The following DOK6 variants were observed in gnomAD, a reference collection of about 807,000 sequenced individuals.
DOK6 encodes the protein downstream of tyrosine kinase 6.
A neutral mutation model predicts 44.0 loss-of-function variants in DOK6; 22 were observed. The observed-to-expected ratio is 0.50, with a 90% CI of 0.36 to 0.71. The LOEUF is 0.71. DOK6 is among the 30% of genes least tolerant of loss of function. The pLI is 0.00. For missense variants in DOK6, 340 were observed against 416.4 expected (o/e 0.82, Z 1.60); for synonymous variants, 166 against 145.5 (o/e 1.14, Z -1.01).
At chr18:69,468,876 T>TA (rs1980004581) in intron 1 of DOK6, among the ~76,000 whole-genome samples, 1 of 152,216 alleles carries the variant, frequency 6.6e-6, no homozygotes, top group South Asian at 2.1e-4. Flanking sequence ...AAGCTCTGGA[T>TA]AAAAATGGAG....
intron 5 of DOK6, among the ~76,000 whole-genome samples, chr18:69,733,906 T>C (rs1265116203): frequency 1.3e-5 from 2 of 152,168 alleles, no homozygotes; most frequent in Admixed American, 1.3e-4. Context: ...ATTAGTGTTT[T>C]GAGTTTCAAT....
chr18:69,665,942 A>T (rs1416491249), intron 3 of DOK6, among the ~76,000 whole-genome samples: 1 of 152,116 alleles, frequency 6.6e-6, no homozygotes, highest in Non-Finnish European at 1.5e-5. Flanking sequence ...TTAAGCAAGC[A>T]TATTGGGCTT....
At chr18:69,523,649 A>C (rs1482313387) in intron 1 of DOK6, among the ~76,000 whole-genome samples, 1 of 144,344 alleles carries the variant, frequency 6.9e-6, no homozygotes, top group Non-Finnish European at 1.6e-5. Flanking sequence ...ATCTCCCACC[A>C]AAGAAACAAT....
intron 7 of DOK6, among the ~76,000 whole-genome samples, chr18:69,768,954 C>CGTGCGTGTGTGTGTGTGT (rs74175387): frequency 1.4e-5 from 2 of 142,590 alleles, no homozygotes; most frequent in Non-Finnish European, 1.5e-5. Flanking sequence ...GAAGGGTGTG[C>CGTGCGTGTGTGTGTGTGT]GTGTGTGTGT....
At chr18:69,403,591 T>C (rs554473617) in intron 1 of DOK6, among the ~76,000 whole-genome samples, 16 of 152,360 alleles carry the variant, frequency 1.1e-4, no homozygotes, top group African/African-American at 3.8e-4. Context: ...AAGTTAGATA[T>C]TGAAACAGTT....
intron 7 of DOK6, among the ~76,000 whole-genome samples, chr18:69,798,711 A>T (rs1275476026): frequency 1.3e-5 from 2 of 151,732 alleles, no homozygotes; most frequent in East Asian, 3.8e-4. Flanking sequence ...AAATAAACTA[A>T]ATCAATTGTA....
chr18:69,436,307 GTC>G (rs1978977605), intron 1 of DOK6, among the ~76,000 whole-genome samples: 2 of 151,766 alleles, frequency 1.3e-5, no homozygotes, highest in South Asian at 2.1e-4. Flanking sequence ...TCCTAATGCT[GTC>G]TCTCCCCTTG....
At chr18:69,693,842 A>G (rs1986324417) in intron 4 of DOK6, among the ~76,000 whole-genome samples, 2 of 151,602 alleles carry the variant, frequency 1.3e-5, no homozygotes, top group South Asian at 4.2e-4. Flanking sequence ...GCGGATCATG[A>G]GGTCAGGAGA....
rs558151676 is a variant in DOK6 at position 69,638,641 on chromosome 18, G to A, written c.290-39093G>A. Among the ~76,000 whole-genome samples, 7 of 152,208 alleles carry A rather than the reference G, an allele frequency of 4.6e-5. No individual in the cohort carries two copies. In the South Asian group the frequency reaches 8.3e-4, roughly 18 times the overall value. On this transcript the variant is annotated intron_variant, in intron 3 of 7. Coordinates refer to ENST00000382713, the MANE Select transcript of DOK6 (RefSeq NM_152721.6). ...ACAGATTAATTTGAATCAAATCATTGGCTTGTGGTGCTTGTAGTTTAGTTT... is the reference window on the plus strand; with the variant it reads ...ACAGATTAATTTGAATCAAATCATTAGCTTGTGGTGCTTGTAGTTTAGTTT...
In DOK6 at chr18:69,844,124, GGTTTT is replaced by G. The variant is rs1287859052; in HGVS notation, c.*2742_*2746del. ...TGTATACCACTCGCTTGGGCTCGTA[GGTTTT>G]TGACTGGGGATGCCTCTACACTTTG... On this transcript the variant is annotated 3_prime_UTR_variant, in exon 8 of 8. Transcript: ENST00000382713. The G allele has an allele frequency of 4.6e-5, 7 of 152,084 alleles. No homozygotes were observed. The highest frequency in any genetic ancestry group is 4.6e-4 in the Admixed American group (7 of 15,262). The allele number at this position is 152,084 out of a possible 1,614,324, so 9.4% of individuals were successfully genotyped here. A position where few individuals can be genotyped will look rare whatever the true frequency, so the allele number is the denominator to read the frequency against.
At chr18:69,694,407 C>A (rs1406657958) in intron 4 of DOK6, among the ~76,000 whole-genome samples, 3 of 151,296 alleles carry the variant, frequency 2.0e-5, no homozygotes, top group African/African-American at 7.3e-5. Flanking sequence ...TCAATACTAG[C>A]ATCTTTGTTG....
At chr18:69,644,080 C>A (rs1178233812) in intron 3 of DOK6, among the ~76,000 whole-genome samples, 8 of 151,950 alleles carry the variant, frequency 5.3e-5, no homozygotes, top group Non-Finnish European at 7.4e-5. Context: ...ACGTATTTTG[C>A]CCATTTTCTA....
At chr18:69,715,997 G>T (rs1454173452) in intron 5 of DOK6, among the ~76,000 whole-genome samples, 1 of 152,196 alleles carries the variant, frequency 6.6e-6, no homozygotes, top group East Asian at 1.9e-4. Context: ...TCGTTATTCT[G>T]CTAGAATTAA....
chr18:69,765,088 A>G (rs1383981107), intron 7 of DOK6, among the ~76,000 whole-genome samples: 1 of 152,216 alleles, frequency 6.6e-6, no homozygotes, highest in African/African-American at 2.4e-5. Flanking sequence ...TAGATTAAGG[A>G]GGTAAATCAA....
intron 1 of DOK6, among the ~76,000 whole-genome samples, chr18:69,536,838 T>G (rs1279323198): frequency 6.6e-6 from 1 of 151,974 alleles, no homozygotes; most frequent in African/African-American, 2.4e-5. Flanking sequence ...CTAAGTTGTT[T>G]GGTAAACTGG....
chr18:69,608,431 G>A (rs1984052641), intron 3 of DOK6, among the ~76,000 whole-genome samples: 1 of 152,122 alleles, frequency 6.6e-6, no homozygotes, highest in African/African-American at 2.4e-5. Context: ...TTGAAATCAG[G>A]AAGTGTGATA....
intron 5 of DOK6, among the ~76,000 whole-genome samples, chr18:69,729,534 G>A (rs1279133959): frequency 6.6e-6 from 1 of 151,932 alleles, no homozygotes; most frequent in Non-Finnish European, 1.5e-5. Flanking sequence ...GAATCATGAA[G>A]TCTAACAACA....
chr18:69,488,433 C>A (rs1438706017), intron 1 of DOK6, among the ~76,000 whole-genome samples: 1 of 152,128 alleles, frequency 6.6e-6, no homozygotes, highest in Non-Finnish European at 1.5e-5. Context: ...CTCATTAGGC[C>A]ATAGTGCTGC....
intron 1 of DOK6, among the ~76,000 whole-genome samples, chr18:69,507,221 G>C (rs1200757790): frequency 2.0e-5 from 3 of 152,034 alleles, no homozygotes; most frequent in East Asian, 3.9e-4. Flanking sequence ...TAGAGAGGGG[G>C]TTTCACCGTG....
Sources: gnomAD v4.1 joint callset for allele counts (sites outside exome capture counted in the v4.1 genomes callset) on GRCh38, gnomAD v4.1.1 for gene constraint, MANE v1.5 for transcripts, NCBI Gene and HGNC (gene_info 2026-07-23, HGNC 2026-07-21) for gene names.